ABHD2: variants seen among roughly 807,000 people sequenced by gnomAD.
ABHD2 encodes the protein abhydrolase domain containing 2, acylglycerol lipase.
Under a neutral mutation model 48.1 loss-of-function variants are expected in ABHD2, and 20 were observed. The ratio of observed to expected loss-of-function variants is 0.42; its 90% CI spans 0.29 to 0.60. The LOEUF is 0.60. Among genes scored for constraint, ABHD2 ranks in the 20% least tolerant of loss-of-function variants. The pLI is 0.24. For synonymous variants in ABHD2, 209 were observed against 214.2 expected (o/e 0.98, Z 0.21); for missense variants, 405 against 550.9 (o/e 0.74, Z 2.65).
the ABHD2 span, among the ~76,000 whole-genome samples, chr15:89,078,150 A>C: frequency 6.6e-6 from 1 of 152,182 alleles, no homozygotes; most frequent in African/African-American, 2.4e-5. Context: ...CTATGCTCAC[A>C]TCACTGTTAT....
At position 89,169,087 on chromosome 15, in the gene ABHD2, G is replaced by A. The variant is rs79925463; in HGVS notation, c.539-6725G>A. On this transcript the variant is annotated intron_variant, in intron 5 of 10. Coordinates refer to ENST00000352732, the MANE Select transcript of ABHD2 (RefSeq NM_152924.5). ...CAGCCTAGGGAGACAGAGCGAGACCGTCTCAAAAAAATAAGAATAAAAATA... is the reference window on the plus strand; with the variant it reads ...CAGCCTAGGGAGACAGAGCGAGACCATCTCAAAAAAATAAGAATAAAAATA... Among the ~76,000 whole-genome samples the A allele has an allele frequency of 3.2e-3, 479 of 150,790 alleles. 2 individuals carry two copies. The highest frequency in any genetic ancestry group is 0.011 in the African/African-American group (436 of 40,218).
the ABHD2 span, among the ~76,000 whole-genome samples, chr15:89,042,852 G>C: frequency 3.3e-5 from 5 of 151,310 alleles, no homozygotes; most frequent in African/African-American, 1.2e-4. Flanking sequence ...ATTTTTAGTA[G>C]AGGTAAGGTT....
intron 5 of ABHD2, among the ~76,000 whole-genome samples, chr15:89,169,694 G>A (rs571581795): frequency 9.2e-5 from 14 of 152,336 alleles, no homozygotes; most frequent in Admixed American, 9.1e-4. Context: ...GCTCCAGCAT[G>A]AGTGATATGT....
Position 89,088,982 on chromosome 15 carries a change from G to A in ABHD2, c.-107+419G>A, listed in dbSNP as rs1901481202. 6.6e-6 allele frequency among the ~76,000 whole-genome samples: 1 copy of A among 152,220 alleles called. No homozygotes were observed. The highest frequency in any genetic ancestry group is 2.4e-5 in the African/African-American group (1 of 41,458). ...TGATTACAGCCCGAGATACCCGAGA[G>A]GCCTCTGTGTTTCGGGGCTCCAGGG... On this transcript the variant is annotated intron_variant, in intron 1 of 10. Transcript: ENST00000352732. The surrounding 1 kb of genome is among the most constrained non-coding windows in gnomAD (Gnocchi z 6.8).
In ABHD2 at chr15:89,091,431, A is replaced by G. The variant is rs1019903713; in HGVS notation, c.-107+2868A>G. Among the ~76,000 whole-genome samples, 1 of 152,148 alleles carries G rather than the reference A, an allele frequency of 6.6e-6. No homozygotes were observed. The highest frequency in any genetic ancestry group is 1.5e-5 in the Non-Finnish European group (1 of 68,014). On this transcript the variant is annotated intron_variant, in intron 1 of 10. Coordinates refer to ENST00000352732, the MANE Select transcript of ABHD2 (RefSeq NM_152924.5). This position sits in a 1 kb window ranked among gnomAD's most constrained non-coding sequence, Gnocchi z 5.5. ...ATAGTTTTCATTTCTTTGCTTGTGT[A>G]TTAATATGGGCCCCTTTCTCTCTTT... is the stretch of plus-strand genomic sequence containing the variant.
In ABHD2 at chr15:89,189,090, C is replaced by T. The variant is rs1274921631; in HGVS notation, c.926+787C>T. Reference sequence around the variant, plus strand: ...TGCAGCCTTGACAGTGGCCTCTTTCCTGGTTCCAGTAGTTTCTGATTGAGG... The same window carrying T: ...TGCAGCCTTGACAGTGGCCTCTTTCTTGGTTCCAGTAGTTTCTGATTGAGG... On this transcript the variant is annotated intron_variant, in intron 8 of 10. Coordinates refer to ENST00000352732, the MANE Select transcript of ABHD2 (RefSeq NM_152924.5). The surrounding 1 kb of genome is among the most constrained non-coding windows in gnomAD (Gnocchi z 4.9). Among the ~76,000 whole-genome samples, 2 of 152,186 alleles carry T rather than the reference C, an allele frequency of 1.3e-5. No individual in the cohort carries two copies. The highest frequency in any genetic ancestry group is 4.8e-5 in the African/African-American group (2 of 41,446).
In ABHD2 at chr15:89,094,978, C is replaced by A. The variant is rs1040509251; in HGVS notation, c.-107+6415C>A. ...ACTCGGGAAGCTGAAGCAGGAGAAT[C>A]ACTTGAACCCGGGAGGCAGAGGTTC... On this transcript the variant is annotated intron_variant, in intron 1 of 10. Transcript: ENST00000352732. The surrounding 1 kb of genome is among the most constrained non-coding windows in gnomAD (Gnocchi z 4.7). Among the ~76,000 whole-genome samples the A allele has an allele frequency of 6.7e-6, 1 of 148,658 alleles. No individual in the cohort carries two copies. Among genetic ancestry groups the A allele is most frequent in the Non-Finnish European group, 1.5e-5 (1 of 67,632 alleles).
rs1172759693 is a variant in ABHD2, at chr15:89,185,970, AAAAAG to A, written c.815+463_815+467del. 3.3e-5 allele frequency among the ~76,000 whole-genome samples: 5 copies of A among 152,346 alleles called. No homozygotes were observed. The highest frequency in any genetic ancestry group is 2.1e-4 in the South Asian group (1 of 4,828). Reference sequence around the variant, plus strand: ...TGACAGAGCGAGACCCTGTCTGAAAAAAAAGAAAAGAAACCTGTCCCAAGCTACTG... The same window carrying A: ...TGACAGAGCGAGACCCTGTCTGAAAAAAAAGAAACCTGTCCCAAGCTACTG... On this transcript the variant is annotated intron_variant, in intron 7 of 10. Transcript: ENST00000352732. This position sits in a 1 kb window ranked among gnomAD's most constrained non-coding sequence, Gnocchi z 5.9.
chr15:89,156,597 A>G (rs1391720388), intron 5 of ABHD2, among the ~76,000 whole-genome samples: 1 of 151,984 alleles, frequency 6.6e-6, no homozygotes, highest in East Asian at 1.9e-4. Context: ...AAATACAAAA[A>G]TTAGCTGGCA....
At chr15:89,105,597 C>T (rs539297459) in intron 1 of ABHD2, among the ~76,000 whole-genome samples, 214 of 152,366 alleles carry the variant, frequency 1.4e-3, no homozygotes, top group African/African-American at 5.0e-3. Flanking sequence ...CTCCAGTTCT[C>T]TTCTACTAAA....
At chr15:89,147,430 T>C (rs1263047270) in intron 3 of ABHD2, among the ~76,000 whole-genome samples, 1 of 146,394 alleles carries the variant, frequency 6.8e-6, no homozygotes, top group Admixed American at 7.0e-5. Context: ...CTCTGCTCAC[T>C]GCAAGCTCCG....
chr15:89,042,587 CTTATTTATTTATTTATTTATTTAT>C, the ABHD2 span, among the ~76,000 whole-genome samples: 39 of 141,920 alleles, frequency 2.7e-4, no homozygotes, highest in Admixed American at 5.7e-4. Context: ...TTCTTTCTTT[CTTATTTATTTATTTATTTATTTAT>C]TTATTTATTT....
chr15:89,148,484 C>T (rs1473694039), intron 3 of ABHD2, among the ~76,000 whole-genome samples: 8 of 152,274 alleles, frequency 5.3e-5, no homozygotes, highest in African/African-American at 1.9e-4. Flanking sequence ...CAGGTACTTT[C>T]CTTCGTTATT....
At chr15:89,191,659 G>A (rs1395288686) in intron 9 of ABHD2, among the ~76,000 whole-genome samples, 11 of 139,864 alleles carry the variant, frequency 7.9e-5, no homozygotes, top group African/African-American at 2.7e-4. Flanking sequence ...ATGGAGTCTC[G>A]CTCTGTCGCC....
At chr15:89,068,044 C>T in the ABHD2 span, among the ~76,000 whole-genome samples, 354 of 152,288 alleles carry the variant, frequency 2.3e-3, 2 homozygotes, top group East Asian at 0.02. Context: ...AAGACCAAAC[C>T]CTAGACTTCA....
the ABHD2 span, among the ~76,000 whole-genome samples, chr15:89,066,331 T>C: frequency 1.3e-5 from 2 of 152,118 alleles, no homozygotes; most frequent in South Asian, 4.1e-4. Context: ...GTGGTATTGG[T>C]TTGTAGATGC....
intron 5 of ABHD2, among the ~76,000 whole-genome samples, chr15:89,171,747 CA>C (rs2050931775): frequency 6.6e-6 from 1 of 151,978 alleles, no homozygotes; most frequent in Non-Finnish European, 1.5e-5. Flanking sequence ...GAGAGTGCTT[CA>C]AAAAAATGCC....
intron 1 of ABHD2, among the ~76,000 whole-genome samples, chr15:89,111,956 T>C (rs1223997991): frequency 3.9e-5 from 6 of 152,044 alleles, no homozygotes; most frequent in Non-Finnish European, 7.4e-5. Flanking sequence ...TATATATATA[T>C]TGATTGTATA....
rs2050033702 is a variant in ABHD2 at position 89,120,567 on chromosome 15, A to G, written c.194+4046A>G. The stretch of plus-strand genomic sequence containing the variant: ...CAATCTCAAATCTCGGTTCACTGCA[A>G]CTTCTGCCTCACGGGTTCAAGTGAT... On this transcript the variant is annotated intron_variant, in intron 3 of 10. Transcript: ENST00000352732. The surrounding 1 kb of genome is among the most constrained non-coding windows in gnomAD (Gnocchi z 4.2). Among the ~76,000 whole-genome samples, 1 of 152,162 alleles carries G rather than the reference A, an allele frequency of 6.6e-6. No homozygotes were observed. The highest frequency in any genetic ancestry group is 1.5e-5 in the Non-Finnish European group (1 of 68,028).
Sources: allele counts gnomAD v4.1 joint callset (sites outside exome capture counted in the v4.1 genomes callset), GRCh38; gene constraint gnomAD v4.1.1; non-coding constraint Gnocchi (gnomAD v3.1); transcripts MANE v1.5; gene names NCBI Gene and HGNC (gene_info 2026-07-23, HGNC 2026-07-21).